COL25A1: variants seen among roughly 807,000 people sequenced by gnomAD.
COL25A1 encodes the protein collagen alpha-1(XXV) chain.
In COL25A1, 103 loss-of-function variants were observed where a neutral mutation model predicts 128.4. That is an observed-to-expected ratio of 0.80 (90% confidence interval 0.68 to 0.94). COL25A1 has a LOEUF of 0.94. Ranked by LOEUF, COL25A1 falls within the 40% of genes least tolerant of loss-of-function variation. The probability of loss-of-function intolerance (pLI) is 0.00; values close to 1 mark genes in which losing one functional copy is unlikely to be tolerated. For synonymous variants in COL25A1, 279 were observed against 277.2 expected (o/e 1.01, Z -0.06); for missense variants, 745 against 840.0 (o/e 0.89, Z 1.40).
At chr4:109,189,487 G>A (rs1414529629) in intron 3 of COL25A1, among the ~76,000 whole-genome samples, 1 of 139,458 alleles carries the variant, frequency 7.2e-6, no homozygotes, top group Non-Finnish European at 1.5e-5. Context: ...GGCAGAGCAT[G>A]TAGTGAGCCG....
intron 3 of COL25A1, among the ~76,000 whole-genome samples, chr4:109,220,361 G>C (rs1348084195): frequency 6.6e-6 from 1 of 152,128 alleles, no homozygotes; most frequent in African/African-American, 2.4e-5. Context: ...TATCTCAACT[G>C]ATAAGATATT....
intron 3 of COL25A1, among the ~76,000 whole-genome samples, chr4:109,235,936 T>A (rs1393792424): frequency 3.3e-5 from 5 of 152,128 alleles, no homozygotes; most frequent in Non-Finnish European, 7.4e-5. Context: ...GGAATCTCCC[T>A]GTGACACAGA....
intron 3 of COL25A1, among the ~76,000 whole-genome samples, chr4:109,219,560 G>T (rs1237385395): frequency 1.3e-5 from 2 of 151,988 alleles, no homozygotes; most frequent in African/African-American, 4.8e-5. Context: ...CCCCACAAAA[G>T]AAACATAAAG....
At chr4:109,014,640 A>G (rs1415202509) in intron 5 of COL25A1, among the ~76,000 whole-genome samples, 1 of 152,256 alleles carries the variant, frequency 6.6e-6, no homozygotes, top group Non-Finnish European at 1.5e-5. Context: ...ACAGCCATAA[A>G]TGACTGTTTA....
At chr4:108,887,331 C>A (rs1212149877) in intron 18 of COL25A1, among the ~76,000 whole-genome samples, 1 of 152,110 alleles carries the variant, frequency 6.6e-6, no homozygotes, top group Admixed American at 6.6e-5. Flanking sequence ...AGGAAAATGC[C>A]GTGGAAGATC....
intron 5 of COL25A1, among the ~76,000 whole-genome samples, chr4:109,037,749 C>G (rs573112772): frequency 6.6e-6 from 1 of 152,320 alleles, no homozygotes; most frequent in Non-Finnish European, 1.5e-5. Flanking sequence ...TCTCTGAGCC[C>G]TTGCTGACAG....
Position 109,300,592 on chromosome 4 carries a change from A to C in COL25A1, c.358T>G (p.Cys120Gly). The stretch of plus-strand genomic sequence containing the variant: ...ATAAGTTCCATTTTACCTGCTGGGC[A>C]GTTACATTCTGAAGGTGCTTCTCTT... Reference protein sequence around the residue: ...IAREAPSECNCPAGPPGKRGK... With the variant: ...IAREAPSECNGPAGPPGKRGK... The change falls in exon 3 of 38, where the codon TGC becomes GGC. Residue 120 changes from cysteine (C) to glycine (G), a missense_variant. Physicochemically the swap from Cys to Gly is radical, Grantham distance 159. This residue lies in a region of COL25A1 where 319 missense variants were observed against 324.9 expected (regional missense o/e 0.98). Coordinates refer to ENST00000399132, the MANE Select transcript of COL25A1 (RefSeq NM_198721.4). The C allele has an allele frequency of 6.2e-7, 1 of 1,608,736 alleles. No individual in the cohort carries two copies. The highest frequency in any genetic ancestry group is 1.1e-5 in the South Asian group (1 of 90,976).
At chr4:109,161,648 A>T (rs950635848) in intron 3 of COL25A1, among the ~76,000 whole-genome samples, 4 of 152,218 alleles carry the variant, frequency 2.6e-5, no homozygotes, top group African/African-American at 9.6e-5. Context: ...TTTATATAAC[A>T]AAGTATTTGC....
intron 3 of COL25A1, among the ~76,000 whole-genome samples, chr4:109,065,581 T>TGTGC (rs1560625424): frequency 1.4e-5 from 2 of 148,096 alleles, no homozygotes; most frequent in African/African-American, 5.0e-5. Context: ...TGTGTGTGTG[T>TGTGC]GCAGGTGCAT....
intron 28 of COL25A1, 28 bp from the exon 29 acceptor site, chr4:108,845,279 G>A (rs778577212): frequency 6.3e-7 from 1 of 1,582,162 alleles, no homozygotes; most frequent in East Asian, 2.2e-5. Context: ...GCAGAGTTAA[G>A]CAGGTAAAGT....
intron 3 of COL25A1, among the ~76,000 whole-genome samples, chr4:109,213,534 G>T (rs991281093): frequency 3.3e-5 from 5 of 152,114 alleles, no homozygotes; most frequent in Non-Finnish European, 7.4e-5. Context: ...AGGACCATGT[G>T]GGGAGGAACT....
intron 3 of COL25A1, among the ~76,000 whole-genome samples, chr4:109,164,222 A>C (rs918992783): frequency 6.6e-6 from 1 of 152,140 alleles, no homozygotes; most frequent in Non-Finnish European, 1.5e-5. Context: ...CAAATCCTCC[A>C]TGATTTTTTC....
chr4:108,942,167 A>C (rs1560904595), intron 8 of COL25A1: 1 of 1,539,978 alleles, frequency 6.5e-7, no homozygotes, highest in African/African-American at 1.4e-5. Flanking sequence ...GCTTATGCTG[A>C]TTGCATTTCT....
intron 3 of COL25A1, among the ~76,000 whole-genome samples, chr4:109,057,770 T>C (rs1427879772): frequency 6.6e-6 from 1 of 152,154 alleles, no homozygotes; most frequent in African/African-American, 2.4e-5. Context: ...CTTCTAAAAC[T>C]TCTTCCCAGT....
At chr4:109,028,219 CCA>C (rs1487130193) in intron 5 of COL25A1, among the ~76,000 whole-genome samples, 2 of 152,248 alleles carry the variant, frequency 1.3e-5, no homozygotes, top group Non-Finnish European at 2.9e-5. Context: ...CACACTCCTC[CCA>C]CTTCAGTCTC....
At chr4:109,033,399 A>G (rs912573873) in intron 5 of COL25A1, among the ~76,000 whole-genome samples, 2 of 152,228 alleles carry the variant, frequency 1.3e-5, no homozygotes, top group African/African-American at 4.8e-5. Flanking sequence ...CCCCACATCA[A>G]CAATCCACAG....
chr4:109,183,051 G>C (rs1364083160), intron 3 of COL25A1, among the ~76,000 whole-genome samples: 1 of 151,876 alleles, frequency 6.6e-6, no homozygotes, highest in African/African-American at 2.4e-5. Flanking sequence ...TTTAAACTAG[G>C]ATTAGCCTAG....
At chr4:108,816,900 C>G (rs551715252) in intron 37 of COL25A1, among the ~76,000 whole-genome samples, 6 of 152,164 alleles carry the variant, frequency 3.9e-5, no homozygotes, top group Non-Finnish European at 7.4e-5. Context: ...CTAGAATAAA[C>G]TGATGTCATA....
At chr4:108,962,792 T>C (rs1750875150) in intron 8 of COL25A1, among the ~76,000 whole-genome samples, 1 of 152,184 alleles carries the variant, frequency 6.6e-6, no homozygotes, top group South Asian at 2.1e-4. Context: ...AACCCACTAG[T>C]GATCAATAAA....
Sources: allele counts gnomAD v4.1 joint callset (sites outside exome capture counted in the v4.1 genomes callset), GRCh38; gene constraint gnomAD v4.1.1; regional missense constraint gnomAD v4.1.1; transcripts MANE v1.5; gene names NCBI Gene and HGNC (gene_info 2026-07-23, HGNC 2026-07-21).